Variants in ZFAT observed in about 807,000 individuals in gnomAD.
ZFAT encodes the protein zinc finger and AT-hook domain containing.
ZFAT carries 64 observed loss-of-function variants against 117.7 expected under a neutral mutation model. The observed-to-expected ratio is 0.54, with a 90% CI of 0.44 to 0.67. The LOEUF (loss-of-function observed/expected upper bound fraction) is 0.67. Ranked by LOEUF, ZFAT falls within the 30% of genes least tolerant of loss-of-function variation. The pLI is 0.00. For synonymous variants in ZFAT, 679 were observed against 615.0 expected (o/e 1.10, Z -1.54); for missense variants, 1,433 against 1,584.5 (o/e 0.90, Z 1.62).
intron 1 of ZFAT, among the ~76,000 whole-genome samples, chr8:134,704,282 C>T (rs1382308189): frequency 1.3e-5 from 2 of 152,202 alleles, no homozygotes; most frequent in African/African-American, 4.8e-5. Context: ...TCAAAAGATG[C>T]TTCTCTCTAC....
At chr8:134,508,970 T>C (rs1344598761) in intron 15 of ZFAT, among the ~76,000 whole-genome samples, 2 of 152,272 alleles carry the variant, frequency 1.3e-5, no homozygotes, top group Non-Finnish European at 2.9e-5. Flanking sequence ...TTTTGTAAAA[T>C]GAAACAGGAG....
At chr8:134,587,538 G>A (rs1487308384) in intron 9 of ZFAT, among the ~76,000 whole-genome samples, 1 of 152,144 alleles carries the variant, frequency 6.6e-6, no homozygotes, top group Non-Finnish European at 1.5e-5. Context: ...AACAGGCAGG[G>A]ACCTGATGCA....
At chr8:134,761,960 T>C in the ZFAT span, among the ~76,000 whole-genome samples, 1 of 142,798 alleles carries the variant, frequency 7.0e-6, no homozygotes, top group Admixed American at 7.1e-5. Context: ...AGCTATTCAG[T>C]TCTCTCTCTC....
chr8:134,495,989 C>A (rs1285641482), intron 15 of ZFAT, among the ~76,000 whole-genome samples: 1 of 152,108 alleles, frequency 6.6e-6, no homozygotes, highest in East Asian at 1.9e-4. Flanking sequence ...AAGCATAGAG[C>A]CTAGACAACA....
chr8:134,558,560 T>TA (rs1680260406), intron 11 of ZFAT, among the ~76,000 whole-genome samples: 2 of 152,204 alleles, frequency 1.3e-5, no homozygotes, highest in African/African-American at 2.4e-5. Flanking sequence ...TAAAAATTTA[T>TA]AAAAAATACA....
intron 11 of ZFAT, among the ~76,000 whole-genome samples, chr8:134,543,430 T>C (rs573637054): frequency 2.0e-5 from 3 of 152,398 alleles, no homozygotes; most frequent in Admixed American, 6.5e-5. Context: ...CTGCCACTCA[T>C]GTTTTCAAGC....
At chr8:134,682,020 A>C (rs1375820301) in intron 1 of ZFAT, among the ~76,000 whole-genome samples, 1 of 152,190 alleles carries the variant, frequency 6.6e-6, no homozygotes, top group African/African-American at 2.4e-5. Flanking sequence ...TGAATAAACT[A>C]TGTCATCAAC....
chr8:134,580,939 G>A (rs1022579678), intron 10 of ZFAT, among the ~76,000 whole-genome samples: 8 of 152,024 alleles, frequency 5.3e-5, no homozygotes, highest in African/African-American at 1.9e-4. Context: ...CATGGAAGAT[G>A]AAAACATAAA....
At chr8:134,626,341 G>A (rs1299805963) in intron 3 of ZFAT, among the ~76,000 whole-genome samples, 1 of 152,230 alleles carries the variant, frequency 6.6e-6, no homozygotes, top group Admixed American at 6.5e-5. Context: ...GAGCTGGAAA[G>A]TCCAAGGGTC....
At chr8:134,805,065 A>G in the ZFAT span, 1 of 308,082 alleles carries the variant, frequency 3.2e-6, no homozygotes, top group South Asian at 2.6e-5. Context: ...TCTTGAAACA[A>G]AAATGATAAA....
the ZFAT span, among the ~76,000 whole-genome samples, chr8:134,820,927 G>A: frequency 1.3e-3 from 202 of 152,272 alleles, 3 homozygotes; most frequent in South Asian, 7.5e-3. Context: ...ACCACATGGT[G>A]CCTACCATAT....
At chr8:134,717,299 A>G (rs1814221957), upstream of ZFAT, among the ~76,000 whole-genome samples, 1 of 151,334 alleles carries the variant, frequency 6.6e-6, no homozygotes. Context: ...CCACCAGCAA[A>G]TGCCTGCTGC....
At chr8:134,806,502 T>C in the ZFAT span, among the ~76,000 whole-genome samples, 3 of 152,166 alleles carry the variant, frequency 2.0e-5, no homozygotes, top group East Asian at 1.9e-4. Flanking sequence ...AGGAAAAAAA[T>C]AGCTATTTCA....
At chr8:134,591,468 AGCGCTC>A (rs967673928) in intron 7 of ZFAT, among the ~76,000 whole-genome samples, 1 of 152,214 alleles carries the variant, frequency 6.6e-6, no homozygotes, top group Non-Finnish European at 1.5e-5. Context: ...CTTTGCTCTC[AGCGCTC>A]ACTTGAGGGC....
At chr8:134,694,511 TATGTC>T (rs1310957740) in intron 1 of ZFAT, among the ~76,000 whole-genome samples, 2 of 152,194 alleles carry the variant, frequency 1.3e-5, no homozygotes, top group Admixed American at 1.3e-4. Flanking sequence ...AAGTATAAAT[TATGTC>T]ATAATAACAG....
At chr8:134,577,957 A>G (rs1404134924) in intron 10 of ZFAT, among the ~76,000 whole-genome samples, 1 of 152,176 alleles carries the variant, frequency 6.6e-6, no homozygotes, top group African/African-American at 2.4e-5. Context: ...GACCTTCCAT[A>G]CGTGAGCACC....
chr8:134,780,205 CTT>C, the ZFAT span, among the ~76,000 whole-genome samples: 1 of 152,182 alleles, frequency 6.6e-6, no homozygotes. Context: ...ATTCTACATG[CTT>C]TCTTAATGAC....
At chr8:134,732,007 G>A in the ZFAT span, among the ~76,000 whole-genome samples, 2 of 152,234 alleles carry the variant, frequency 1.3e-5, no homozygotes, top group African/African-American at 4.8e-5. Flanking sequence ...ATCTGGAGCA[G>A]CAATGCCACC....
intron 3 of ZFAT, among the ~76,000 whole-genome samples, chr8:134,620,298 T>C (rs960914276): frequency 6.6e-6 from 1 of 152,168 alleles, no homozygotes; most frequent in Non-Finnish European, 1.5e-5. Flanking sequence ...CTGTGCATCC[T>C]CAGCCAAGCG....
Sources: allele counts gnomAD v4.1 joint callset (sites outside exome capture counted in the v4.1 genomes callset), GRCh38; gene constraint gnomAD v4.1.1; transcripts MANE v1.5; gene names NCBI Gene and HGNC (gene_info 2026-07-23, HGNC 2026-07-21).